Variants in FHOD3 observed in about 807,000 individuals in gnomAD.
The protein encoded by FHOD3 is FH1/FH2 domain-containing protein 3.
In FHOD3, 90 loss-of-function variants were observed where a neutral mutation model predicts 173.0. The ratio of observed to expected loss-of-function variants is 0.52; its 90% confidence interval spans 0.44 to 0.62. FHOD3 has a LOEUF of 0.62. Ranked by LOEUF, FHOD3 falls within the 20% of genes least tolerant of loss-of-function variation. The probability of loss-of-function intolerance (pLI) is 0.00; values close to 1 mark genes in which losing one functional copy is unlikely to be tolerated. For synonymous variants in FHOD3, 828 were observed against 823.0 expected (o/e 1.01, Z -0.10); for missense variants, 1,945 against 2,034.7 (o/e 0.96, Z 0.85).
Position 36,717,847 on chromosome 18 carries a change from G to A in FHOD3, c.2549G>A (p.Gly850Asp), listed in dbSNP as rs767014890. ...GTACTTTCAGGTTTGTGGCCCGCAG[G>A]TGTCCAGGATGCAGGTGTAAATGGA... is the stretch of plus-strand genomic sequence containing the variant. ...RDRTTGLWPA[G>D]VQDAGVNGQC... The change falls in exon 19 of 29, where the codon GGT becomes GAT. Residue 850 changes from glycine (G) to aspartate (D), a missense_variant. Physicochemically the swap from Gly to Asp is moderately conservative, Grantham distance 94. Transcript: ENST00000590592. 6 of 1,578,098 alleles carry A rather than the reference G, an allele frequency of 3.8e-6. No homozygotes were observed. In the African/African-American group the frequency reaches 5.4e-5, roughly 14 times the overall value.
intron 4 of FHOD3, among the ~76,000 whole-genome samples, chr18:36,507,781 C>T (rs2055383419): frequency 6.6e-6 from 1 of 152,142 alleles, no homozygotes; most frequent in African/African-American, 2.4e-5. Context: ...CTTCACCCTC[C>T]ATTATGTCCT....
At chr18:36,444,249 A>G (rs2051335757) in intron 3 of FHOD3, among the ~76,000 whole-genome samples, 1 of 150,942 alleles carries the variant, frequency 6.6e-6, no homozygotes, top group East Asian at 1.9e-4. Flanking sequence ...GCCTTCCAGT[A>G]TCTAGCCAAG....
chr18:36,361,685 C>G (rs933846761), intron 2 of FHOD3, among the ~76,000 whole-genome samples: 45 of 66,942 alleles, frequency 6.7e-4, no homozygotes, highest in African/African-American at 1.8e-3. Flanking sequence ...GACTCCGTCT[C>G]AAAAAAAAAA....
At chr18:36,469,371 C>T (rs984584832) in intron 3 of FHOD3, among the ~76,000 whole-genome samples, 4 of 152,148 alleles carry the variant, frequency 2.6e-5, no homozygotes, top group African/African-American at 4.8e-5. Context: ...TAGCTTTTAT[C>T]GCCGAGCTGC....
At chr18:36,343,116 C>T (rs2045706567) in intron 1 of FHOD3, among the ~76,000 whole-genome samples, 1 of 152,192 alleles carries the variant, frequency 6.6e-6, no homozygotes, top group Admixed American at 6.5e-5. Flanking sequence ...CTGACATTTT[C>T]TTAAAATGTT....
chr18:36,658,088 G>A lies in FHOD3; in HGVS notation c.1735G>A (p.Gly579Ser). ...TGCACTTCTTAGATACAGCAATTTT[G>A]GCAATAACTCTTATCACTCCTCAAG... ...SFSSNRYSNF[G>S]NNSYHSSRPS... The change falls in exon 14 of 29, where the codon GGC becomes AGC. Residue 579 changes from glycine to serine, a missense_variant. Physicochemically the swap from Gly to Ser is moderately conservative, Grantham distance 56. Transcript: ENST00000590592. The A allele has an allele frequency of 1.2e-6, 2 of 1,607,140 alleles. No homozygotes were observed. Among genetic ancestry groups the A allele is most frequent in the South Asian group, 1.1e-5 (1 of 90,700 alleles).
intron 5 of FHOD3, among the ~76,000 whole-genome samples, chr18:36,560,466 C>A (rs2058045414): frequency 6.6e-6 from 1 of 152,204 alleles, no homozygotes; most frequent in African/African-American, 2.4e-5. Context: ...CCTGCACTTG[C>A]CACTACTTGC....
chr18:36,503,461 T>C (rs564744190), intron 4 of FHOD3, among the ~76,000 whole-genome samples: 1 of 152,282 alleles, frequency 6.6e-6, no homozygotes, highest in African/African-American at 2.4e-5. Flanking sequence ...CATCCACACA[T>C]TCTTGTCCCA....
At chr18:36,544,433 C>T in intron 5 of FHOD3, 1 of 152,306 alleles carries the variant, frequency 6.6e-6, no homozygotes. Context: ...TAGTTGGGGC[C>T]AAAGCCCAGG....
At chr18:36,619,923 AAGG>A (rs2033564977) in intron 9 of FHOD3, among the ~76,000 whole-genome samples, 1 of 152,138 alleles carries the variant, frequency 6.6e-6, no homozygotes, top group Non-Finnish European at 1.5e-5. Flanking sequence ...CAGGGGTTGA[AAGG>A]AGGCTGGGTG....
At chr18:36,603,736 G>A (rs1005390364) in intron 8 of FHOD3, among the ~76,000 whole-genome samples, 6 of 152,176 alleles carry the variant, frequency 3.9e-5, no homozygotes, top group South Asian at 2.1e-4. Context: ...ACTCTTGCCC[G>A]CATGTGGTCC....
In FHOD3 at chr18:36,747,126, T is replaced by A. The variant is rs1477434472; in HGVS notation, c.4223T>A (p.Ile1408Lys). Residue 1408 changes from isoleucine to lysine, a missense_variant, in exon 24 of 29, where the codon ATA becomes AAA. By Grantham distance (102) the Ile-to-Lys change is moderately radical. Transcript: ENST00000590592. The part of the protein sequence containing the change: ...IIILKIVHRR[I>K]INRFHSFLLF... ...ATTTTAAAGATTGTCCATAGAAGGA[T>A]AATCAACAGGTAAGTGGATTGAGGA... 1 of 1,608,746 alleles carries A rather than the reference T, an allele frequency of 6.2e-7. No individual in the cohort carries two copies.
chr18:36,610,805 T>C (rs1293307158), intron 8 of FHOD3, among the ~76,000 whole-genome samples: 1 of 152,234 alleles, frequency 6.6e-6, no homozygotes, highest in East Asian at 1.9e-4. Flanking sequence ...GGAATGTGTG[T>C]CTTGTTCTTA....
chr18:36,514,302 C>A (rs1357602748), intron 5 of FHOD3, among the ~76,000 whole-genome samples: 1 of 152,128 alleles, frequency 6.6e-6, no homozygotes, highest in Non-Finnish European at 1.5e-5. Flanking sequence ...AGCCACTGCA[C>A]CCGGCCTCTA....
intron 17 of FHOD3, among the ~76,000 whole-genome samples, chr18:36,700,054 T>G (rs1306783687): frequency 6.6e-6 from 1 of 152,216 alleles, no homozygotes; most frequent in Non-Finnish European, 1.5e-5. Context: ...TCTCATTGTT[T>G]GGTTGCAATC....
At chr18:36,437,682 T>TA (rs1555704499) in intron 3 of FHOD3, among the ~76,000 whole-genome samples, 2 of 129,618 alleles carry the variant, frequency 1.5e-5, no homozygotes, top group South Asian at 2.6e-4. Context: ...TTTTTTTTTT[T>TA]AAGACAGAGT....
Position 36,718,231 on chromosome 18 carries a change from A to T in FHOD3, c.2933A>T (p.Tyr978Phe). Residue 978 changes from tyrosine (Y) to phenylalanine (F), a missense_variant, in exon 19 of 29, where the codon TAC (tyrosine) becomes TTC (phenylalanine). Tyr to Phe is a conservative substitution (Grantham distance 22). Transcript: ENST00000590592. ...GTGCAGCCGAAGACAGAGTCTGATT[A>T]CATCTGGGACCAGCTCATGGCCAAT... ...APVQPKTESD[Y>F]IWDQLMANPR... is the part of the protein sequence containing the mutation. 1 of 1,614,164 alleles carries T rather than the reference A, an allele frequency of 6.2e-7. No individual in the cohort carries two copies. Among genetic ancestry groups the T allele is most frequent in the African/African-American group, 1.3e-5 (1 of 75,042 alleles).
chr18:36,425,993 C>T (rs955572620), intron 3 of FHOD3, among the ~76,000 whole-genome samples: 8 of 151,856 alleles, frequency 5.3e-5, no homozygotes, highest in African/African-American at 9.7e-5. Flanking sequence ...CTCTGCCTCC[C>T]GGGTTCATGC....
In FHOD3 at chr18:36,658,198, A is replaced by G. The variant is rs1177979777; in HGVS notation, c.1835+10A>G. ...AGGCCAGGTTGGAAAGGTGAGTTCGACAAGCACGCTGATAGCTTCACAGTC... is the reference window on the plus strand; with the variant it reads ...AGGCCAGGTTGGAAAGGTGAGTTCGGCAAGCACGCTGATAGCTTCACAGTC... On this transcript the variant is annotated intron_variant, in intron 14 of 28. Transcript: ENST00000590592. The G allele has an allele frequency of 7.1e-6, 11 of 1,559,614 alleles. No individual in the cohort carries two copies. Among genetic ancestry groups the G allele is most frequent in the Non-Finnish European group, 9.6e-6 (11 of 1,148,640 alleles).
Sources: allele counts gnomAD v4.1 joint callset (sites outside exome capture counted in the v4.1 genomes callset), GRCh38; gene constraint gnomAD v4.1.1; transcripts MANE v1.5; gene names NCBI Gene and HGNC (gene_info 2026-07-23, HGNC 2026-07-21).